Variants in SLC25A48 observed in about 807,000 individuals in gnomAD.
The protein encoded by SLC25A48 is solute carrier family 25 member 48.
Under a neutral mutation model 32.2 loss-of-function variants are expected in SLC25A48, and 29 were observed. The observed-to-expected ratio is 0.90, with a 90% CI of 0.67 to 1.23. The LOEUF is 1.23. Ranked by LOEUF, SLC25A48 falls within the 50% of genes most tolerant of loss-of-function variation. The pLI is 0.00. For synonymous variants in SLC25A48, 164 were observed against 172.3 expected, an observed-to-expected ratio of 0.95 and a Z score of 0.38; for missense variants, 399 against 422.7, an observed-to-expected ratio of 0.94 and a Z score of 0.49.
chr5:135,852,480 C>A lies in SLC25A48; in HGVS notation c.163-83C>A, dbSNP rs780238015. 1.7e-5 allele frequency: 25 copies of A among 1,494,254 alleles called. No individual in the cohort carries two copies. The South Asian group carries it at 2.9e-4, about 17-fold the overall frequency. 92.6% of individuals were successfully genotyped at this position (1,494,254 alleles called of 1,614,324 possible). A position where few individuals can be genotyped will look rare whatever the true frequency, so the allele number is the denominator to read the frequency against. Reference sequence around the variant, plus strand: ...TTCATGGACACATGGGCAGATGTGTCCGGTGGTGTACCCCGTCAGCCTGCA... The same window carrying A: ...TTCATGGACACATGGGCAGATGTGTACGGTGGTGTACCCCGTCAGCCTGCA... On this transcript the variant is annotated intron_variant, in intron 3 of 7. Transcript: ENST00000681962.
chr5:135,814,989 C>G (rs948318572), intron 4 of SLC25A48, among the ~76,000 whole-genome samples: 2 of 152,188 alleles, frequency 1.3e-5, no homozygotes, highest in Non-Finnish European at 2.9e-5. Flanking sequence ...AGCTGTGGGC[C>G]TTTTGTTACC....
At chr5:135,693,807 G>A (rs1257165949) in intron 3 of SLC25A48, among the ~76,000 whole-genome samples, 2 of 152,198 alleles carry the variant, frequency 1.3e-5, no homozygotes, top group Admixed American at 6.5e-5. Context: ...GGGAGCAACC[G>A]TCCACAACCT....
At chr5:135,669,584 T>A (rs1753607363) in intron 3 of SLC25A48, among the ~76,000 whole-genome samples, 1 of 152,180 alleles carries the variant, frequency 6.6e-6, no homozygotes, top group Non-Finnish European at 1.5e-5. Context: ...GTGAAGCAGC[T>A]GGGGATTTTA....
At chr5:135,609,535 C>T (rs530485770) in intron 1 of SLC25A48, 9 of 152,312 alleles carry the variant, frequency 5.9e-5, no homozygotes, top group East Asian at 1.9e-4. Flanking sequence ...GCCTCATCTC[C>T]GAGGGTGACT....
intron 4 of SLC25A48, among the ~76,000 whole-genome samples, chr5:135,859,206 A>G (rs1016750533): frequency 6.6e-6 from 1 of 152,176 alleles, no homozygotes; most frequent in Non-Finnish European, 1.5e-5. Context: ...AAGAGGTTTA[A>G]TTGACTCACA....
Position 135,817,858 on chromosome 5 carries a change from T to A in SLC25A48, c.-117+4932T>A, listed in dbSNP as rs546782028. On this transcript the variant is annotated intron_variant, in intron 4 of 10. Coordinates refer to the SLC25A48 transcript ENST00000646290. Reference sequence around the variant, plus strand: ...TTACAAGAAGTGGGCAAAATGAAGGTCATAGCATGATAGCCTAAGCTCACT... The same window carrying A: ...TTACAAGAAGTGGGCAAAATGAAGGACATAGCATGATAGCCTAAGCTCACT... 6.6e-5 allele frequency among the ~76,000 whole-genome samples: 10 copies of A among 152,208 alleles called. No homozygotes were observed. The South Asian group carries it at 2.1e-3, about 32-fold the overall frequency.
At chr5:135,630,071 G>A (rs530188329) in intron 2 of SLC25A48, among the ~76,000 whole-genome samples, 4 of 152,238 alleles carry the variant, frequency 2.6e-5, no homozygotes, top group East Asian at 1.9e-4. Flanking sequence ...GTTCTTACCC[G>A]CAGCTTAGGA....
At position 135,888,257 on chromosome 5, in the gene SLC25A48, C is replaced by T; in HGVS notation, c.*233C>T. 1 of 547,496 alleles carries T rather than the reference C, an allele frequency of 1.8e-6. No homozygotes were observed. 33.9% of individuals were successfully genotyped at this position (547,496 alleles called of 1,614,324 possible). A position where few individuals can be genotyped will look rare whatever the true frequency, so the allele number is the denominator to read the frequency against. ...GATCCCCAATGCCCACTCTGCTAGG[C>T]TGGCATCAAAGAGCTTTCCAAGAAA... On this transcript the variant is annotated 3_prime_UTR_variant, in exon 8 of 8. Transcript: ENST00000681962.
chr5:135,721,192 CTTTTTTTTTTTTTT>C (rs757412641), intron 3 of SLC25A48, among the ~76,000 whole-genome samples: 4 of 53,884 alleles, frequency 7.4e-5, no homozygotes, highest in East Asian at 4.2e-4. Context: ...CATGCCTGGC[CTTTTTTTTTTTTTT>C]TTTTTTTTTT....
chr5:135,871,510 A>G lies in SLC25A48; in HGVS notation c.471A>G (p.Ala157=), dbSNP rs374791357. 1.9e-6 allele frequency: 3 copies of G among 1,610,004 alleles called. No individual in the cohort carries two copies. The Admixed American group carries it at 5.0e-5, about 27-fold the overall frequency. The part of the protein sequence containing the change: ...SRAVAPAEQP[A]YQGPVHCITT... ...CAGTGGCTCCTGCGGAGCAGCCAGC[A>G]TACCAGGGGCCAGTGCACTGCATTA... The change falls in exon 5 of 8, where the codon GCA becomes GCG. Residue 157 remains alanine, a synonymous_variant. Transcript: ENST00000681962.
intron 3 of SLC25A48, among the ~76,000 whole-genome samples, chr5:135,766,771 A>G (rs1203465901): frequency 6.6e-6 from 1 of 151,624 alleles, no homozygotes; most frequent in African/African-American, 2.4e-5. Flanking sequence ...GATATGGTTC[A>G]TAATATACGG....
intron 4 of SLC25A48, among the ~76,000 whole-genome samples, chr5:135,864,963 A>G (rs1442039218): frequency 6.6e-6 from 1 of 152,258 alleles, no homozygotes; most frequent in Non-Finnish European, 1.5e-5. Context: ...TGGCACTTCC[A>G]GAATCCAGAG....
At chr5:135,791,631 T>C (rs889803023) in intron 3 of SLC25A48, among the ~76,000 whole-genome samples, 3 of 151,680 alleles carry the variant, frequency 2.0e-5, no homozygotes, top group Non-Finnish European at 3.0e-5. Context: ...ACTCCTAATG[T>C]CACAGAGGGT....
At chr5:135,719,926 T>A (rs757310561) in intron 3 of SLC25A48, among the ~76,000 whole-genome samples, 8 of 152,218 alleles carry the variant, frequency 5.3e-5, no homozygotes, top group Non-Finnish European at 8.8e-5. Flanking sequence ...ACTGTCTACC[T>A]GCGGGCAGGG....
intron 4 of SLC25A48, among the ~76,000 whole-genome samples, chr5:135,866,858 G>T (rs909954785): frequency 3.3e-5 from 5 of 152,198 alleles, no homozygotes; most frequent in African/African-American, 1.2e-4. Context: ...TAGGTGCAGG[G>T]GGCCTGAGAT....
rs539795773 is a variant in SLC25A48 at position 135,715,146 on chromosome 5, G to A, written c.-521+80190G>A. 1.8e-3 allele frequency among the ~76,000 whole-genome samples: 275 copies of A among 152,296 alleles called. 1 individual carries two copies. The highest frequency in any genetic ancestry group is 6.1e-3 in the African/African-American group (254 of 41,560). On this transcript the variant is annotated intron_variant, in intron 3 of 10. Coordinates refer to the SLC25A48 transcript ENST00000646290. ...ATGAGGAGGTGAGGGCTGAACTGGG[G>A]CAGAGATAGTGAGGCTGATGAGCCA...
intron 6 of SLC25A48, among the ~76,000 whole-genome samples, chr5:135,879,592 G>A (rs1285499563): frequency 7.8e-6 from 1 of 127,926 alleles, no homozygotes. Flanking sequence ...AGGAGAGAGA[G>A]AGAGAGAGAG....
chr5:135,620,904 C>G (rs1752310972), intron 1 of SLC25A48, among the ~76,000 whole-genome samples: 1 of 152,160 alleles, frequency 6.6e-6, no homozygotes. Flanking sequence ...GGAGATCTCT[C>G]TCTTACCCCT....
At chr5:135,721,825 C>T (rs1754962635) in intron 3 of SLC25A48, among the ~76,000 whole-genome samples, 1 of 152,208 alleles carries the variant, frequency 6.6e-6, no homozygotes, top group South Asian at 2.1e-4. Flanking sequence ...GGTGCCAGAG[C>T]TCTGGGAAGG....
Sources: allele counts gnomAD v4.1 joint callset (sites outside exome capture counted in the v4.1 genomes callset), GRCh38; gene constraint gnomAD v4.1.1; transcripts MANE v1.5; gene names NCBI Gene and HGNC (gene_info 2026-07-23, HGNC 2026-07-21).